Variants in PRSS37 observed in about 807,000 individuals in gnomAD.
PRSS37 encodes the protein probable inactive serine protease 37.
PRSS37 carries 25 observed loss-of-function variants against 28.0 expected under a neutral mutation model. That is an observed-to-expected ratio of 0.89 (90% CI 0.65 to 1.25). The LOEUF (loss-of-function observed/expected upper bound fraction) is 1.25, where lower values mean the gene tolerates loss of function less well. PRSS37 is among the 50% of genes most tolerant of loss of function. The pLI, the probability that PRSS37 is intolerant of heterozygous loss-of-function variation, is 0.00. For missense variants in PRSS37, 282 were observed against 292.2 expected, an observed-to-expected ratio of 0.97 and a Z score of 0.25; for synonymous variants, 109 against 107.8, an observed-to-expected ratio of 1.01 and a Z score of -0.07.
chr7:141,839,901 G>A (rs1801100560), intron 1 of PRSS37, among the ~76,000 whole-genome samples: 1 of 152,158 alleles, frequency 6.6e-6, no homozygotes, highest in Non-Finnish European at 1.5e-5. Flanking sequence ...AGCTATAACA[G>A]CTGAACACTG....
chr7:141,841,077 T>C lies in PRSS37; in HGVS notation c.-28A>G. On this transcript the variant is annotated 5_prime_UTR_variant, in exon 1 of 5. Transcript: ENST00000350549. ...TGATCCAGCTCTTCCCCCTGTGAGATGTAGAAGAAAATCAGCAGAGTGTGG... is the reference window on the plus strand; with the variant it reads ...TGATCCAGCTCTTCCCCCTGTGAGACGTAGAAGAAAATCAGCAGAGTGTGG... 3.1e-6 allele frequency: 5 copies of C among 1,613,256 alleles called. No homozygotes were observed. Among genetic ancestry groups the C allele is most frequent in the South Asian group, 1.1e-5 (1 of 91,070 alleles).
intron 3 of PRSS37, 150 bp from the exon 4 acceptor site, chr7:141,837,398 G>A: frequency 8.9e-7 from 1 of 1,123,568 alleles, no homozygotes. Flanking sequence ...TCAAGAGTGT[G>A]GTTATGAGCT....
chr7:141,839,801 A>T (rs921025004), intron 1 of PRSS37, among the ~76,000 whole-genome samples: 34 of 152,130 alleles, frequency 2.2e-4, no homozygotes, highest in Non-Finnish European at 4.4e-5. Flanking sequence ...ATTGTTTATA[A>T]CCTGTGACCT....
At chr7:141,836,877 T>C (rs76587803) in intron 4 of PRSS37, among the ~76,000 whole-genome samples, 434 of 152,320 alleles carry the variant, frequency 2.8e-3, no homozygotes, top group African/African-American at 9.9e-3. Context: ...CTTGTAGTTA[T>C]AAGAATGAAT....
intron 3 of PRSS37, chr7:141,837,470 TG>T: frequency 8.8e-7 from 1 of 1,134,460 alleles, no homozygotes; most frequent in South Asian, 1.4e-5. Flanking sequence ...TTTTAATTGG[TG>T]GCCTGTCTTG....
chr7:141,841,058 A>T lies in PRSS37; in HGVS notation c.-9T>A. 6.2e-7 allele frequency: 1 copy of T among 1,613,706 alleles called. No homozygotes were observed. Among genetic ancestry groups the T allele is most frequent in the Non-Finnish European group, 8.5e-7 (1 of 1,179,636 alleles). On this transcript the variant is annotated 5_prime_UTR_variant, in exon 1 of 5. Transcript: ENST00000350549. ...TAGAAGACATATTTCATGGTGATCC[A>T]GCTCTTCCCCCTGTGAGATGTAGAA...
At chr7:141,838,883 T>A (rs1415850840) in intron 2 of PRSS37, 1 of 427,444 alleles carries the variant, frequency 2.3e-6, no homozygotes, top group Non-Finnish European at 4.6e-6. Context: ...ATTCTTAATA[T>A]TGTCCCTTTA....
At chr7:141,836,981 G>T in intron 4 of PRSS37, 131 bp downstream of exon 4, 1 of 920,366 alleles carries the variant, frequency 1.1e-6, no homozygotes, top group Non-Finnish European at 1.7e-6. Flanking sequence ...AAGAAACAAT[G>T]CTGGCTTTGC....
rs151290188 is a variant in PRSS37, at chr7:141,841,020, G to A, written c.30C>T (p.Leu10=). 5.3e-5 allele frequency: 85 copies of A among 1,613,632 alleles called. No individual in the cohort carries two copies. In the African/African-American group the frequency reaches 1.1e-3, roughly 20 times the overall value. Residue 10 remains leucine, a synonymous_variant, in exon 1 of 5, where the codon CTC becomes CTT. Coordinates refer to ENST00000350549, the MANE Select transcript of PRSS37 (RefSeq NM_001008270.3). ...TACAAGGTCTTGAGTACATACCAGCGAGGACACCCAAATAGAAGACATATT... is the reference window on the plus strand; with the variant it reads ...TACAAGGTCTTGAGTACATACCAGCAAGGACACCCAAATAGAAGACATATT... The part of the protein sequence containing the change: MKYVFYLGV[L]AGTFFFADSS...
At chr7:141,838,372 T>C (rs554979913) in intron 2 of PRSS37, 3 of 1,336,704 alleles carry the variant, frequency 2.2e-6, no homozygotes, top group South Asian at 1.8e-5. Flanking sequence ...TGTTCTTTAA[T>C]GTAGTGGAGA....
chr7:141,838,332 A>T, intron 2 of PRSS37: 1 of 1,407,600 alleles, frequency 7.1e-7, no homozygotes, highest in Non-Finnish European at 9.2e-7. Context: ...TATAGTAAGT[A>T]GTGGAGCCCT....
intron 1 of PRSS37, 53 bp downstream of exon 1, chr7:141,840,963 C>G: frequency 6.4e-7 from 1 of 1,570,474 alleles, no homozygotes. Context: ...CTGTCTCACC[C>G]CATCCATTAA....
Position 141,841,142 on chromosome 7 carries a change from A to C in PRSS37, c.-93T>G, listed in dbSNP as rs1279332244. On this transcript the variant is annotated 5_prime_UTR_variant, in exon 1 of 5. Coordinates refer to ENST00000350549, the MANE Select transcript of PRSS37 (RefSeq NM_001008270.3). ...TTGTCTTCTCAGGAACACCTGGTAG[A>C]CTCAGTGGCTATGGTTAGATACGGA... The C allele has an allele frequency of 7.5e-6, 12 of 1,598,318 alleles. No homozygotes were observed. The highest frequency in any genetic ancestry group is 1.0e-5 in the Non-Finnish European group (12 of 1,170,334).
intron 2 of PRSS37, chr7:141,838,627 A>G: frequency 3.9e-6 from 1 of 256,608 alleles, no homozygotes; most frequent in South Asian, 5.8e-5. Context: ...AGCACCAGAA[A>G]GTAACTGGAG....
In PRSS37 at chr7:141,839,491, A is replaced by G. The variant is rs115950493; in HGVS notation, c.35-12T>C. On this transcript the variant is annotated splice_polypyrimidine_tract_variant and intron_variant, in intron 1 of 4. Transcript: ENST00000350549. ...AAAGAAAAATGTCCCTGAGAAAATA[A>G]TGAACATTCTTAATACATAAATATT... The G allele has an allele frequency of 1.8e-4, 282 of 1,598,820 alleles. No individual in the cohort carries two copies. In the African/African-American group the frequency reaches 3.5e-3, roughly 20 times the overall value.
At chr7:141,840,646 T>C (rs1003213694) in intron 1 of PRSS37, among the ~76,000 whole-genome samples, 1 of 152,192 alleles carries the variant, frequency 6.6e-6, no homozygotes, top group African/African-American at 2.4e-5. Context: ...TGGTGGGAAA[T>C]GCCTCATCTG....
intron 2 of PRSS37, chr7:141,838,338 G>C: frequency 1.4e-6 from 2 of 1,399,334 alleles, no homozygotes; most frequent in Non-Finnish European, 1.9e-6. Context: ...AAGTAGTGGA[G>C]CCCTTCACTA....
At chr7:141,840,230 A>G (rs945034228) in intron 1 of PRSS37, among the ~76,000 whole-genome samples, 6 of 152,242 alleles carry the variant, frequency 3.9e-5, no homozygotes, top group African/African-American at 1.2e-4. Flanking sequence ...ATATGAACAT[A>G]TATTGTTTTT....
intron 2 of PRSS37, 186 bp downstream of exon 2, chr7:141,839,152 T>TA (rs1362991532): frequency 2.5e-5 from 16 of 645,948 alleles, no homozygotes; most frequent in Middle Eastern, 3.2e-4. Context: ...TGTAGGATGT[T>TA]AAACAGCATC....
Sources: allele counts gnomAD v4.1 joint callset (sites outside exome capture counted in the v4.1 genomes callset), GRCh38; gene constraint gnomAD v4.1.1; transcripts MANE v1.5; gene names NCBI Gene and HGNC (gene_info 2026-07-23, HGNC 2026-07-21).